The following C12orf42 variants were observed in gnomAD, a reference collection of about 807,000 sequenced individuals.
The protein encoded by C12orf42 is uncharacterized protein C12orf42.
C12orf42 carries 25 observed loss-of-function variants against 21.6 expected under a neutral mutation model. That is an observed-to-expected ratio of 1.16 (90% CI 0.84 to 1.62). The LOEUF (loss-of-function observed/expected upper bound fraction) is 1.62, where lower values mean the gene tolerates loss of function less well. Among genes scored for constraint, C12orf42 ranks in the 40% most tolerant of loss-of-function variants. The pLI is 0.00. For synonymous variants in C12orf42, 174 were observed against 175.0 expected (o/e 0.99, Z 0.05); for missense variants, 483 against 459.3 (o/e 1.05, Z -0.47).
intron 3 of C12orf42, among the ~76,000 whole-genome samples, chr12:103,377,641 T>C (rs2045817908): frequency 6.6e-6 from 1 of 152,124 alleles, no homozygotes; most frequent in African/African-American, 2.4e-5. Context: ...TGCCAGATAA[T>C]AAATCTTTGG....
intron 2 of C12orf42, among the ~76,000 whole-genome samples, chr12:103,419,330 A>G (rs2049657450): frequency 6.6e-6 from 1 of 152,200 alleles, no homozygotes; most frequent in Non-Finnish European, 1.5e-5. Flanking sequence ...TTTTAAGCCA[A>G]GATACGTTTT....
the C12orf42 span, among the ~76,000 whole-genome samples, chr12:103,554,230 C>A: frequency 6.6e-6 from 1 of 152,176 alleles, no homozygotes; most frequent in South Asian, 2.1e-4. Context: ...CTATGCTTTT[C>A]CTACCCCAGA....
At chr12:103,368,826 G>C (rs1370404527) in intron 4 of C12orf42, 61 bp downstream of exon 4, 2 of 851,156 alleles carry the variant, frequency 2.3e-6, no homozygotes, top group African/African-American at 1.7e-5. Context: ...ATTATTACCT[G>C]TACATAGTCC....
At chr12:103,150,118 T>C in the C12orf42 span, among the ~76,000 whole-genome samples, 1 of 152,240 alleles carries the variant, frequency 6.6e-6, no homozygotes, top group Non-Finnish European at 1.5e-5. Context: ...GGTATATATA[T>C]GCTCCTAAAA....
the C12orf42 span, among the ~76,000 whole-genome samples, chr12:103,205,885 C>A: frequency 1.3e-5 from 2 of 152,114 alleles, no homozygotes; most frequent in African/African-American, 4.8e-5. Context: ...ACATAAGAGG[C>A]ATATGTAAGC....
chr12:103,551,603 G>A, the C12orf42 span, among the ~76,000 whole-genome samples: 1 of 152,130 alleles, frequency 6.6e-6, no homozygotes, highest in African/African-American at 2.4e-5. Context: ...GATCACTTGA[G>A]GTCAGGAGTT....
intron 2 of C12orf42, among the ~76,000 whole-genome samples, chr12:103,451,639 G>A (rs1016652981): frequency 6.6e-6 from 1 of 152,032 alleles, no homozygotes; most frequent in African/African-American, 2.4e-5. Flanking sequence ...ACAGTTTGGG[G>A]CAATCAGCTG....
the C12orf42 span, among the ~76,000 whole-genome samples, chr12:103,064,026 G>A: frequency 6.6e-6 from 1 of 152,172 alleles, no homozygotes; most frequent in Non-Finnish European, 1.5e-5. Context: ...TGAGCCAGCT[G>A]GAAATGCCTG....
At chr12:103,442,106 T>G (rs1453445982) in intron 2 of C12orf42, among the ~76,000 whole-genome samples, 1 of 152,152 alleles carries the variant, frequency 6.6e-6, no homozygotes, top group South Asian at 2.1e-4. Flanking sequence ...ATCACACCAC[T>G]GCACTCCAGC....
At chr12:103,113,294 G>A in the C12orf42 span, among the ~76,000 whole-genome samples, 1 of 152,120 alleles carries the variant, frequency 6.6e-6, no homozygotes, top group Admixed American at 6.5e-5. Flanking sequence ...ATCTTTAAAG[G>A]ACTTCACTGA....
the C12orf42 span, among the ~76,000 whole-genome samples, chr12:103,502,540 T>A: frequency 6.6e-6 from 1 of 152,156 alleles, no homozygotes; most frequent in East Asian, 1.9e-4. Flanking sequence ...AGGAACACTC[T>A]TTCCCAGGTT....
chr12:103,251,690 G>A (rs1395192678), intron 10 of C12orf42, among the ~76,000 whole-genome samples: 2 of 152,108 alleles, frequency 1.3e-5, no homozygotes, highest in Non-Finnish European at 2.9e-5. Flanking sequence ...TAAAGTACCA[G>A]TATTGGTCAT....
chr12:103,238,475 C>T (rs1380583175), intron 10 of C12orf42, among the ~76,000 whole-genome samples: 1 of 152,092 alleles, frequency 6.6e-6, no homozygotes, highest in African/African-American at 2.4e-5. Flanking sequence ...AACAAGAATC[C>T]CCCAGAAAAT....
At chr12:103,098,551 C>G in the C12orf42 span, among the ~76,000 whole-genome samples, 2 of 152,188 alleles carry the variant, frequency 1.3e-5, no homozygotes, top group Non-Finnish European at 2.9e-5. Context: ...CATCTGGGAA[C>G]TTCTTTGGAA....
the C12orf42 span, among the ~76,000 whole-genome samples, chr12:103,527,369 T>C: frequency 2.5e-4 from 38 of 152,242 alleles, 1 homozygote; most frequent in African/African-American, 8.4e-4. Context: ...ATGTTGAAAT[T>C]TGATCCCTAA....
intron 2 of C12orf42, among the ~76,000 whole-genome samples, chr12:103,476,429 C>T (rs2137979901): frequency 6.6e-6 from 1 of 152,230 alleles, no homozygotes; most frequent in East Asian, 1.9e-4. Flanking sequence ...ATAATGAGTC[C>T]AAAAACTGAG....
intron 2 of C12orf42, among the ~76,000 whole-genome samples, chr12:103,411,165 TATC>T (rs1264387072): frequency 4.6e-5 from 7 of 152,382 alleles, no homozygotes; most frequent in African/African-American, 1.2e-4. Context: ...TTGCCAGCCT[TATC>T]ATCATATCAA....
At chr12:103,052,675 A>G in the C12orf42 span, among the ~76,000 whole-genome samples, 11 of 152,130 alleles carry the variant, frequency 7.2e-5, no homozygotes, top group African/African-American at 1.7e-4. Context: ...TTTATTAACT[A>G]TAATTTTTAT....
At chr12:103,520,177 A>G in the C12orf42 span, among the ~76,000 whole-genome samples, 4,049 of 152,184 alleles carry the variant, frequency 0.027, 145 homozygotes, top group East Asian at 0.17. Flanking sequence ...TACCCCTTAT[A>G]AGGGAACAAA....
Sources: allele counts gnomAD v4.1 joint callset (sites outside exome capture counted in the v4.1 genomes callset), GRCh38; gene constraint gnomAD v4.1.1; transcripts MANE v1.5; gene names NCBI Gene and HGNC (gene_info 2026-07-23, HGNC 2026-07-21).